Variants in RPTOR observed in about 807,000 individuals in gnomAD.
RPTOR encodes the protein regulatory-associated protein of mTOR.
RPTOR carries 21 observed loss-of-function variants against 169.9 expected under a neutral mutation model. The ratio of observed to expected loss-of-function variants is 0.12; its 90% CI spans 0.09 to 0.18. The LOEUF (loss-of-function observed/expected upper bound fraction) is 0.18, where lower values mean the gene tolerates loss of function less well. RPTOR is among the 10% of genes least tolerant of loss of function. The probability of loss-of-function intolerance (pLI) is 1.00; values close to 1 mark genes in which losing one functional copy is unlikely to be tolerated. For synonymous variants in RPTOR, 732 were observed against 753.2 expected, an observed-to-expected ratio of 0.97 and a Z score of 0.46; for missense variants, 1,133 against 1,855.9, an observed-to-expected ratio of 0.61 and a Z score of 7.16.
chr17:80,809,902 TG>T (rs2067256129), intron 7 of RPTOR, among the ~76,000 whole-genome samples: 1 of 152,078 alleles, frequency 6.6e-6, no homozygotes, highest in Non-Finnish European at 1.5e-5. Flanking sequence ...CTGGGTGTGG[TG>T]TCACACACCT....
intron 18 of RPTOR, 130 bp from the exon 19 acceptor site, chr17:80,892,599 C>G: frequency 9.8e-7 from 1 of 1,017,956 alleles, no homozygotes; most frequent in Middle Eastern, 3.3e-4. Context: ...CTGTGCAGCC[C>G]CTGCTCTGAC....
intron 2 of RPTOR, among the ~76,000 whole-genome samples, chr17:80,641,467 T>G (rs1233753573): frequency 6.6e-6 from 1 of 152,274 alleles, no homozygotes; most frequent in Non-Finnish European, 1.5e-5. Context: ...ATTTTTATTT[T>G]ATTTTTTTAT....
intron 1 of RPTOR, among the ~76,000 whole-genome samples, chr17:80,570,101 A>G (rs1393793868): frequency 6.6e-6 from 1 of 152,024 alleles, no homozygotes; most frequent in Admixed American, 6.6e-5. Context: ...TCATGAACTC[A>G]GACCTCTCTC....
rs536126973 is a variant in RPTOR, at chr17:80,893,287, T to C, written c.2242+418T>C. Among the ~76,000 whole-genome samples, 15 of 146,076 alleles carry C rather than the reference T, an allele frequency of 1.0e-4. No homozygotes were observed. In the South Asian group the frequency reaches 3.1e-3, roughly 30 times the overall value. ...GCCAGGGTGCGTGTGTACCAGGGTG[T>C]GTGTGCGCCGGGTGTGTGTGTGCGC... On this transcript the variant is annotated intron_variant, in intron 19 of 33. Transcript: ENST00000306801.
At chr17:80,710,569 G>C (rs1455204754) in intron 4 of RPTOR, among the ~76,000 whole-genome samples, 1 of 106,448 alleles carries the variant, frequency 9.4e-6, no homozygotes, top group Admixed American at 1.1e-4. Flanking sequence ...TTGGTTATTT[G>C]TATGTGTGTG....
intron 21 of RPTOR, among the ~76,000 whole-genome samples, chr17:80,911,378 T>A (rs1332247638): frequency 1.3e-5 from 2 of 152,242 alleles, no homozygotes; most frequent in Non-Finnish European, 2.9e-5. Context: ...TATGTGCTAC[T>A]GGCCTGTTGA....
At chr17:80,555,827 T>C (rs945013009) in intron 1 of RPTOR, among the ~76,000 whole-genome samples, 2 of 152,064 alleles carry the variant, frequency 1.3e-5, no homozygotes, top group Non-Finnish European at 2.9e-5. Flanking sequence ...TTGTTGTGCA[T>C]AAATTTGTGT....
At chr17:80,945,808 CT>C in intron 26 of RPTOR, 27 bp downstream of exon 26, 1 of 1,402,936 alleles carries the variant, frequency 7.1e-7, no homozygotes. Context: ...TCAGGCCTCC[CT>C]TCCGGCTGAC....
chr17:80,757,302 C>T (rs2066690573), intron 6 of RPTOR, among the ~76,000 whole-genome samples: 2 of 152,228 alleles, frequency 1.3e-5, no homozygotes, highest in Admixed American at 1.3e-4. Context: ...AGACCTCCGA[C>T]CTCAGCACAT....
Position 80,846,565 on chromosome 17 carries a change from C to T in RPTOR, c.1305C>T (p.Ile435=), listed in dbSNP as rs1352697610. ...ENRNPPEQLP[I]VLQVLLSQVH... ...GAAACCCACCCGAACAGCTGCCCATCGTCCTGCAGGTGAGTTTCTTCAGAC... is the reference window on the plus strand; with the variant it reads ...GAAACCCACCCGAACAGCTGCCCATTGTCCTGCAGGTGAGTTTCTTCAGAC... The change falls in exon 11 of 34, where the codon ATC becomes ATT. Residue 435 remains isoleucine, a synonymous_variant. Transcript: ENST00000306801. 9 of 1,614,008 alleles carry T rather than the reference C, an allele frequency of 5.6e-6. No homozygotes were observed. Among genetic ancestry groups the T allele is most frequent in the South Asian group, 1.1e-5 (1 of 91,088 alleles).
rs141362750 is a variant in RPTOR, at chr17:80,851,118, G to A, written c.1315-4346G>A. 3.3e-3 allele frequency among the ~76,000 whole-genome samples: 496 copies of A among 152,194 alleles called. 1 individual carries two copies. Among genetic ancestry groups the A allele is most frequent in the Admixed American group, 5.8e-3 (89 of 15,270 alleles). Reference sequence around the variant, plus strand: ...TCATTTTTGTATTTTTTGTAGAGACGGGGTTTCACCATGTTGGGCAGGCTG... The same window carrying A: ...TCATTTTTGTATTTTTTGTAGAGACAGGGTTTCACCATGTTGGGCAGGCTG... On this transcript the variant is annotated intron_variant, in intron 11 of 33. Coordinates refer to ENST00000306801, the MANE Select transcript of RPTOR (RefSeq NM_020761.3).
rs974023636 is a variant in RPTOR, at chr17:80,633,318, C to G, written c.265+7525C>G. ...GACGTGTGACTGCCACGTAAGCGTC[C>G]GCTGCATGCAGGTTTGCCAGTGTCC... On this transcript the variant is annotated intron_variant, in intron 2 of 33. Transcript: ENST00000306801. The surrounding 1 kb of genome is among the most constrained non-coding windows in gnomAD (Gnocchi z 4.1). Among the ~76,000 whole-genome samples the G allele has an allele frequency of 6.6e-6, 1 of 152,196 alleles. No homozygotes were observed. The highest frequency in any genetic ancestry group is 2.4e-5 in the African/African-American group (1 of 41,434).
intron 5 of RPTOR, among the ~76,000 whole-genome samples, chr17:80,738,011 T>G (rs1365452578): frequency 1.3e-5 from 2 of 151,752 alleles, no homozygotes; most frequent in South Asian, 4.2e-4. Flanking sequence ...CTGTGAGAGG[T>G]TAAGAGGGTG....
At chr17:80,614,751 G>A (rs1051114827) in intron 1 of RPTOR, among the ~76,000 whole-genome samples, 1 of 152,228 alleles carries the variant, frequency 6.6e-6, no homozygotes, top group Non-Finnish European at 1.5e-5. Context: ...AGCACCCAGG[G>A]AAGATGCATG....
intron 3 of RPTOR, among the ~76,000 whole-genome samples, chr17:80,673,436 G>T (rs2065837252): frequency 6.6e-6 from 1 of 152,158 alleles, no homozygotes; most frequent in South Asian, 2.1e-4. Context: ...GGTGGAGGGG[G>T]CTCCCTGGTG....
intron 1 of RPTOR, 46 bp downstream of exon 1, chr17:80,545,837 A>G (rs2084267867): frequency 6.7e-7 from 1 of 1,483,398 alleles, no homozygotes; most frequent in Admixed American, 2.2e-5. Flanking sequence ...AGTTTCCCCA[A>G]CAAAGAAAGT....
intron 7 of RPTOR, among the ~76,000 whole-genome samples, chr17:80,821,592 C>G (rs913237987): frequency 1.3e-5 from 2 of 152,164 alleles, no homozygotes; most frequent in Non-Finnish European, 2.9e-5. Context: ...CACTCTCTGT[C>G]GTATTTGTCT....
At chr17:80,877,367 G>A (rs142191498) in intron 13 of RPTOR, among the ~76,000 whole-genome samples, 3 of 152,296 alleles carry the variant, frequency 2.0e-5, no homozygotes, top group Middle Eastern at 3.4e-3. Context: ...GAAAATGAAG[G>A]TATGAAAAGG....
intron 3 of RPTOR, among the ~76,000 whole-genome samples, chr17:80,648,249 G>A (rs184017928): frequency 6.6e-6 from 1 of 152,298 alleles, no homozygotes; most frequent in East Asian, 1.9e-4. Context: ...TGGGAGGAGG[G>A]GGTTTGGGGA....
Sources: allele counts gnomAD v4.1 joint callset (sites outside exome capture counted in the v4.1 genomes callset), GRCh38; gene constraint gnomAD v4.1.1; non-coding constraint Gnocchi (gnomAD v3.1); transcripts MANE v1.5; gene names NCBI Gene and HGNC (gene_info 2026-07-23, HGNC 2026-07-21).